TJP2: variants seen among roughly 807,000 people sequenced by gnomAD.
The protein encoded by TJP2 is Friedreich ataxia region gene X104 (tight junction protein ZO-2).
TJP2 carries 91 observed loss-of-function variants against 133.1 expected under a neutral mutation model. The observed-to-expected ratio is 0.68, with a 90% confidence interval of 0.58 to 0.81. The LOEUF is 0.81. Ranked by LOEUF, TJP2 falls within the 40% of genes least tolerant of loss-of-function variation. The pLI, the probability that TJP2 is intolerant of heterozygous loss-of-function variation, is 0.00. For synonymous variants in TJP2, 592 were observed against 583.4 expected (o/e 1.01, Z -0.21); for missense variants, 1,541 against 1,565.6 (o/e 0.98, Z 0.26).
chr9:69,237,223 A>C, intron 14 of TJP2, 87 bp downstream of exon 14: 1 of 1,496,832 alleles, frequency 6.7e-7, no homozygotes, highest in African/African-American at 1.4e-5. Flanking sequence ...GTCAAGTTCT[A>C]ACTTATGTAT....
intron 1 of TJP2, among the ~76,000 whole-genome samples, chr9:69,206,828 C>T (rs7045103): frequency 0.38 from 57,317 of 152,032 alleles, 11,070 homozygotes; most frequent in South Asian, 0.42. Context: ...CCACCCGCCT[C>T]GGCCTCCCAA....
In TJP2 at chr9:69,243,814, G is replaced by T. The variant is rs978389607; in HGVS notation, c.2567-2876G>T. Among the ~76,000 whole-genome samples the T allele has an allele frequency of 1.2e-4, 18 of 152,150 alleles. 1 individual carries two copies. The highest frequency in any genetic ancestry group is 4.4e-5 in the Non-Finnish European group (3 of 68,034). ...CATGCCCATTTAGAGGGGGTCTAGC[G>T]TGCCACTGTTAACCGAGCCACGTGA... On this transcript the variant is annotated intron_variant, in intron 17 of 22. Coordinates refer to ENST00000377245, the MANE Select transcript of TJP2 (RefSeq NM_004817.4).
At chr9:69,174,113 G>A, upstream of TJP2, 1 of 1,195,716 alleles carries the variant, frequency 8.4e-7, no homozygotes, top group Non-Finnish European at 1.0e-6. Flanking sequence ...TCCCCGGCAG[G>A]CGCGTGGGTG....
chr9:69,220,687 T>A (rs181715388), intron 4 of TJP2, among the ~76,000 whole-genome samples, 200 bp from the exon 5 acceptor site: 25 of 152,358 alleles, frequency 1.6e-4, no homozygotes, highest in South Asian at 4.1e-4. Context: ...TTCAAGGCCC[T>A]GTACTCAGAG....
chr9:69,253,235 C>T, intron 22 of TJP2: 1 of 343,196 alleles, frequency 2.9e-6, no homozygotes, highest in South Asian at 3.2e-5. Context: ...GTCTTGTTTG[C>T]TGACTCTCAG....
At chr9:69,132,542 T>C (rs1294480764) in intron 1 of TJP2, among the ~76,000 whole-genome samples, 3 of 152,214 alleles carry the variant, frequency 2.0e-5, no homozygotes, top group Non-Finnish European at 2.9e-5. Context: ...GAATGATAAC[T>C]GGGATTCCTG....
Position 69,254,547 on chromosome 9 carries a change from T to G in TJP2, c.*173T>G. 1 of 810,494 alleles carries G rather than the reference T, an allele frequency of 1.2e-6. No homozygotes were observed. The highest frequency in any genetic ancestry group is 2.0e-6 in the Non-Finnish European group (1 of 494,242). The allele number at this position is 810,494 out of a possible 1,614,324, so 50.2% of individuals were successfully genotyped here. A position where few individuals can be genotyped will look rare whatever the true frequency, so the allele number is the denominator to read the frequency against. On this transcript the variant is annotated 3_prime_UTR_variant, in exon 23 of 23. Coordinates refer to ENST00000377245, the MANE Select transcript of TJP2 (RefSeq NM_004817.4). ...GGGACAGCTGGTGCAAATTCAGAAC[T>G]GAGGGCTCTGTTTGTGGGACTGGGT... is the stretch of plus-strand genomic sequence containing the variant.
chr9:69,145,613 A>G (rs1432839495), intron 1 of TJP2: 9 of 801,900 alleles, frequency 1.1e-5, no homozygotes, highest in Non-Finnish European at 1.3e-5. Context: ...GAGAACATCC[A>G]AAGGAACAGC....
intron 1 of TJP2, among the ~76,000 whole-genome samples, chr9:69,183,879 C>T (rs1295556880): frequency 6.6e-6 from 1 of 152,154 alleles, no homozygotes; most frequent in Non-Finnish European, 1.5e-5. Flanking sequence ...GGATTACAGG[C>T]ATGCGCCACT....
At chr9:69,141,689 C>G (rs978818347) in intron 1 of TJP2, among the ~76,000 whole-genome samples, 2 of 152,166 alleles carry the variant, frequency 1.3e-5, no homozygotes, top group Non-Finnish European at 2.9e-5. Flanking sequence ...CCTCCTGGTT[C>G]AAGCGATTCT....
At chr9:69,244,184 GAAAA>G (rs35047206) in intron 17 of TJP2, among the ~76,000 whole-genome samples, 49 of 58,352 alleles carry the variant, frequency 8.4e-4, no homozygotes, top group African/African-American at 3.1e-3. Context: ...CCTGTCTCAG[GAAAA>G]AAAAAAAAAA....
At chr9:69,196,093 G>T (rs1826539599) in intron 1 of TJP2, among the ~76,000 whole-genome samples, 1 of 152,202 alleles carries the variant, frequency 6.6e-6, no homozygotes, top group South Asian at 2.1e-4. Context: ...CTCCCAATGT[G>T]CTGGGATTAC....
At chr9:69,248,715 CCTT>C (rs1831109349) in intron 19 of TJP2, 1 of 999,866 alleles carries the variant, frequency 1.0e-6, no homozygotes, top group Non-Finnish European at 1.2e-6. Flanking sequence ...CATGATCAAA[CCTT>C]CATCTGATCA....
intron 1 of TJP2, among the ~76,000 whole-genome samples, chr9:69,133,044 T>C (rs7048492): frequency 0.45 from 68,581 of 151,984 alleles, 15,602 homozygotes; most frequent in East Asian, 0.63. Context: ...TCACTGCAAC[T>C]TCTGCCTCCT....
chr9:69,138,564 C>G (rs1298415080), intron 1 of TJP2, among the ~76,000 whole-genome samples: 1 of 151,476 alleles, frequency 6.6e-6, no homozygotes, highest in Non-Finnish European at 1.5e-5. Context: ...GTCAGGAGTT[C>G]GAGACCAGCC....
At chr9:69,160,656 C>T (rs1216443646) in intron 2 of TJP2, among the ~76,000 whole-genome samples, 1 of 152,222 alleles carries the variant, frequency 6.6e-6, no homozygotes. Context: ...AGTCTATTTT[C>T]ATGCTGCTGA....
At chr9:69,252,702 A>T in intron 21 of TJP2, 113 bp from the exon 22 acceptor site, 1 of 990,664 alleles carries the variant, frequency 1.0e-6, no homozygotes, top group East Asian at 2.6e-5. Context: ...TTGAAATGGG[A>T]TGGGAAAATA....
At chr9:69,232,644 G>A (rs781040588) in intron 11 of TJP2, among the ~76,000 whole-genome samples, 8 of 152,152 alleles carry the variant, frequency 5.3e-5, no homozygotes, top group South Asian at 2.1e-4. Context: ...GAATGAAGAC[G>A]TGAGCCAGAT....
At chr9:69,158,220 C>T (rs1346395551) in intron 2 of TJP2, among the ~76,000 whole-genome samples, 7 of 145,702 alleles carry the variant, frequency 4.8e-5, no homozygotes, top group Admixed American at 3.6e-4. Context: ...CCCAGCTACT[C>T]GGGAGGTTGA....
Sources: gnomAD v4.1 joint callset for allele counts (sites outside exome capture counted in the v4.1 genomes callset) on GRCh38, gnomAD v4.1.1 for gene constraint, MANE v1.5 for transcripts, NCBI Gene and HGNC (gene_info 2026-07-23, HGNC 2026-07-21) for gene names.